TTC6: variants seen among roughly 807,000 people sequenced by gnomAD.
The protein encoded by TTC6 is tetratricopeptide repeat domain 6.
A neutral mutation model predicts 210.4 loss-of-function variants in TTC6; 172 were observed. The observed-to-expected ratio is 0.82, with a 90% confidence interval of 0.72 to 0.93. The LOEUF (loss-of-function observed/expected upper bound fraction) is 0.93. Ranked by LOEUF, TTC6 falls within the 40% of genes least tolerant of loss-of-function variation. The probability of loss-of-function intolerance (pLI) is 0.00; values close to 1 mark genes in which losing one functional copy is unlikely to be tolerated. For synonymous variants in TTC6, 804 were observed against 819.6 expected (o/e 0.98, Z 0.32); for missense variants, 2,414 against 2,318.1 (o/e 1.04, Z -0.85).
rs754592182 is a variant in TTC6, at chr14:37,655,420, A to G, written c.940-24731A>G. Among the ~76,000 whole-genome samples the G allele has an allele frequency of 3.3e-5, 5 of 152,280 alleles. 1 individual carries two copies. The highest frequency in any genetic ancestry group is 1.3e-4 in the Admixed American group (2 of 15,300). ...TTCGTGTTTTAATTTCTGTATTGCT[A>G]CTTTGCTACCATGCTATTAATGAGT... is the stretch of plus-strand genomic sequence containing the variant. On this transcript the variant is annotated intron_variant, in intron 1 of 30. Transcript: ENST00000553443.
chr14:37,779,539 C>A (rs953774554), intron 14 of TTC6, among the ~76,000 whole-genome samples: 1 of 152,116 alleles, frequency 6.6e-6, no homozygotes, highest in Non-Finnish European at 1.5e-5. Flanking sequence ...CATTTGACTA[C>A]TTTTTAAAAA....
intron 1 of TTC6, among the ~76,000 whole-genome samples, chr14:37,605,334 C>T (rs1291546423): frequency 6.6e-6 from 1 of 152,214 alleles, no homozygotes; most frequent in East Asian, 1.9e-4. Context: ...TGCATAGCAG[C>T]TTCAGTAAGT....
intron 14 of TTC6, among the ~76,000 whole-genome samples, chr14:37,776,043 C>CTTTTTTTTTT (rs1163694975): frequency 3.8e-5 from 1 of 26,270 alleles, no homozygotes; most frequent in African/African-American, 1.1e-4. Flanking sequence ...GGTCTTGATT[C>CTTTTTTTTTT]TTTTTTTTTT....
At chr14:37,661,271 T>A (rs1293801648) in intron 1 of TTC6, among the ~76,000 whole-genome samples, 1 of 152,214 alleles carries the variant, frequency 6.6e-6, no homozygotes, top group Admixed American at 6.5e-5. Flanking sequence ...CATGCCTATG[T>A]CCTGAATGGT....
chr14:37,622,440 G>T (rs2095652901), exon 1 of TTC6: 1 of 1,535,058 alleles, frequency 6.5e-7, no homozygotes, highest in Non-Finnish European at 8.7e-7. Flanking sequence ...GCGGAGCTCC[G>T]CGTTCCTACG....
chr14:37,785,940 A>T (rs2096066496), intron 14 of TTC6, among the ~76,000 whole-genome samples: 1 of 152,102 alleles, frequency 6.6e-6, no homozygotes, highest in Non-Finnish European at 1.5e-5. Context: ...GCAGAACCAC[A>T]CATGTTGCAG....
intron 27 of TTC6, 70 bp downstream of exon 29, chr14:37,824,027 G>T (rs1306602134): frequency 7.4e-6 from 10 of 1,342,782 alleles, no homozygotes; most frequent in South Asian, 1.2e-5. Context: ...CTCTTTCCTG[G>T]CAATGGGAGT....
intron 14 of TTC6, among the ~76,000 whole-genome samples, chr14:37,763,963 C>T (rs2095991580): frequency 6.6e-6 from 1 of 151,418 alleles, no homozygotes; most frequent in Admixed American, 6.6e-5. Context: ...CATTGCTTTG[C>T]TGCATCTCCT....
intron 2 of TTC6, among the ~76,000 whole-genome samples, chr14:37,680,584 A>G (rs2095781312): frequency 6.6e-6 from 1 of 152,172 alleles, no homozygotes; most frequent in Non-Finnish European, 1.5e-5. Context: ...AGAAAGCATT[A>G]CTTTTGTCTG....
At chr14:37,822,468 A>G (rs929514748) in intron 26 of TTC6, among the ~76,000 whole-genome samples, 2 of 152,208 alleles carry the variant, frequency 1.3e-5, no homozygotes, top group African/African-American at 4.8e-5. Flanking sequence ...GTAGTGATAC[A>G]TCTTACTAAA....
At chr14:37,709,467 T>C (rs746600207) in intron 5 of TTC6, among the ~76,000 whole-genome samples, 12 of 152,280 alleles carry the variant, frequency 7.9e-5, no homozygotes, top group Middle Eastern at 3.4e-3. Context: ...CAGTATGCAC[T>C]ATCAATGTCT....
exon 31 of TTC6, chr14:37,842,218 T>G (rs1376849833): frequency 9.9e-6 from 16 of 1,609,818 alleles, no homozygotes; most frequent in Admixed American, 1.7e-5. Flanking sequence ...CGTGGTAAAA[T>G]AGGTCTGATT....
chr14:37,753,676 C>G (rs1275824091), intron 14 of TTC6, among the ~76,000 whole-genome samples: 1 of 152,092 alleles, frequency 6.6e-6, no homozygotes, highest in Non-Finnish European at 1.5e-5. Flanking sequence ...TCATGCGATC[C>G]TCCCACCTCT....
intron 14 of TTC6, among the ~76,000 whole-genome samples, chr14:37,758,345 T>C (rs1172838384): frequency 6.6e-6 from 1 of 152,232 alleles, no homozygotes. Context: ...AAGAACTTGC[T>C]TTGTGAATCT....
At chr14:37,681,639 G>A (rs1395767258) in intron 2 of TTC6, among the ~76,000 whole-genome samples, 1 of 151,984 alleles carries the variant, frequency 6.6e-6, no homozygotes. Context: ...CATCCCCCCT[G>A]CCCTCAGACA....
chr14:37,741,621 A>G (rs542478376), intron 10 of TTC6, among the ~76,000 whole-genome samples: 1 of 152,230 alleles, frequency 6.6e-6, no homozygotes, highest in South Asian at 2.1e-4. Flanking sequence ...GATAATTCAC[A>G]GATGTGCTTC....
At position 37,737,341 on chromosome 14, in the gene TTC6, C is replaced by G. The variant is rs2095904444; in HGVS notation, c.1909-319C>G. Among the ~76,000 whole-genome samples, 3 of 152,106 alleles carry G rather than the reference C, an allele frequency of 2.0e-5. No individual in the cohort carries two copies. The South Asian group carries it at 6.2e-4, about 32-fold the overall frequency. On this transcript the variant is annotated intron_variant, in intron 8 of 30. Coordinates refer to ENST00000553443, the Ensembl canonical transcript of TTC6. ...CATATCTGTCACACATTCACACACA[C>G]CAGTGCCACCTACACCAGCTGGGTA...
At chr14:37,630,907 G>GTTTTTTTTTTTGTTTTTT (rs2095668331) in intron 1 of TTC6, among the ~76,000 whole-genome samples, 4 of 33,070 alleles carry the variant, frequency 1.2e-4, no homozygotes, top group Non-Finnish European at 1.5e-4. Flanking sequence ...GGCAACCCCT[G>GTTTTTTTTTTTGTTTTTT]TTTTTTTTTT....
rs771054494 is a variant in TTC6, at chr14:37,648,906, GT to G, written c.939+25904del. Among the ~76,000 whole-genome samples the G allele has an allele frequency of 3.9e-5, 6 of 152,204 alleles. No homozygotes were observed. The South Asian group carries it at 8.3e-4, about 21-fold the overall frequency. On this transcript the variant is annotated intron_variant, in intron 1 of 30. Coordinates refer to ENST00000553443, the Ensembl canonical transcript of TTC6. ...GGCCTTTTGATTTTATAGCTGTGGA[GT>G]CTGTCTCAGCATGTAGTGGGTTTGA... is the stretch of plus-strand genomic sequence containing the variant.
Sources: allele counts gnomAD v4.1 joint callset (sites outside exome capture counted in the v4.1 genomes callset), GRCh38; gene constraint gnomAD v4.1.1; transcripts MANE v1.5; gene names NCBI Gene and HGNC (gene_info 2026-07-23, HGNC 2026-07-21).